Variants in CYFIP1 observed in about 807,000 individuals in gnomAD.
CYFIP1 encodes cytoplasmic FMR1 interacting protein 1.
A neutral mutation model predicts 163.5 loss-of-function variants in CYFIP1; 58 were observed. The ratio of observed to expected loss-of-function variants is 0.35; its 90% confidence interval spans 0.29 to 0.44. The LOEUF (loss-of-function observed/expected upper bound fraction) is 0.44, where lower values mean the gene tolerates loss of function less well. CYFIP1 is among the 20% of genes least tolerant of loss of function. The pLI is 1.00. For missense variants in CYFIP1, 1,338 were observed against 1,653.8 expected (o/e 0.81, Z 3.31); for synonymous variants, 663 against 660.7 (o/e 1.00, Z -0.05).
intron 21 of CYFIP1, chr15:22,904,130 C>T (rs888236060): frequency 3.7e-5 from 22 of 590,708 alleles, no homozygotes; most frequent in Non-Finnish European, 5.4e-5. Context: ...GTCACCTCCA[C>T]GCCACCTACC....
intron 26 of CYFIP1, among the ~76,000 whole-genome samples, chr15:22,877,455 C>T (rs190865566): frequency 7.9e-5 from 12 of 152,276 alleles, no homozygotes; most frequent in Admixed American, 3.3e-4. Context: ...AGATAGGGCG[C>T]GCCTTATGCT....
chr15:22,908,466 G>A (rs184687440), intron 21 of CYFIP1, among the ~76,000 whole-genome samples: 285 of 145,974 alleles, frequency 2.0e-3, no homozygotes, highest in Middle Eastern at 7.3e-3. Flanking sequence ...AGGGGTAGAA[G>A]AATTAGCAGG....
At chr15:22,882,705 A>C (rs2059802194) in intron 24 of CYFIP1, among the ~76,000 whole-genome samples, 163 bp downstream of exon 24, 1 of 152,236 alleles carries the variant, frequency 6.6e-6, no homozygotes, top group Admixed American at 6.5e-5. Context: ...TGAGTTTGAA[A>C]AGATGAGGGA....
chr15:22,948,418 C>T (rs2062133497), intron 1 of CYFIP1, among the ~76,000 whole-genome samples: 1 of 152,160 alleles, frequency 6.6e-6, no homozygotes. Flanking sequence ...AGCTGCCACC[C>T]ACTGAAGGCA....
intron 1 of CYFIP1, among the ~76,000 whole-genome samples, chr15:22,966,437 C>T (rs962670675): frequency 8.0e-5 from 12 of 150,312 alleles, no homozygotes; most frequent in East Asian, 2.0e-4. Flanking sequence ...CACGCAAGGA[C>T]GCAGGGAGAG....
At chr15:22,973,168 G>A (rs1029784386) in intron 1 of CYFIP1, among the ~76,000 whole-genome samples, 4 of 152,002 alleles carry the variant, frequency 2.6e-5, no homozygotes, top group African/African-American at 9.7e-5. Flanking sequence ...CCAAAATTTA[G>A]CCAGGCATGA....
intron 9 of CYFIP1, among the ~76,000 whole-genome samples, chr15:22,934,300 C>T (rs991995141): frequency 2.8e-5 from 4 of 145,206 alleles, no homozygotes; most frequent in African/African-American, 7.7e-5. Context: ...CATTCTCCTG[C>T]CTCAGGCTCC....
chr15:22,877,997 A>G (rs1237427101), intron 26 of CYFIP1, among the ~76,000 whole-genome samples: 1 of 152,242 alleles, frequency 6.6e-6, no homozygotes, highest in Non-Finnish European at 1.5e-5. Flanking sequence ...TCTGACAGCA[A>G]TGCCCTGAGC....
chr15:22,905,704 C>G (rs1360940162), intron 21 of CYFIP1, among the ~76,000 whole-genome samples: 6 of 150,954 alleles, frequency 4.0e-5, no homozygotes. Flanking sequence ...TCCCAAAGTG[C>G]TGGAATTATA....
chr15:22,880,774 C>A (rs922415420), intron 25 of CYFIP1, among the ~76,000 whole-genome samples: 1 of 152,140 alleles, frequency 6.6e-6, no homozygotes, highest in Non-Finnish European at 1.5e-5. Flanking sequence ...CAAGGACCAG[C>A]GGCCCGACAC....
chr15:22,959,384 CCA>C (rs1446906926), intron 1 of CYFIP1, among the ~76,000 whole-genome samples: 1 of 152,250 alleles, frequency 6.6e-6, no homozygotes, highest in Non-Finnish European at 1.5e-5. Context: ...GACAGTCACA[CCA>C]CAGAGGGGGC....
chr15:22,972,799 A>C (rs1428375005), intron 1 of CYFIP1, among the ~76,000 whole-genome samples: 4 of 152,150 alleles, frequency 2.6e-5, no homozygotes, highest in African/African-American at 7.2e-5. Context: ...TGAGCTCAGG[A>C]GTTTGAGACC....
intron 17 of CYFIP1, among the ~76,000 whole-genome samples, chr15:22,914,121 C>T (rs2060887943): frequency 6.6e-6 from 1 of 152,198 alleles, no homozygotes; most frequent in Non-Finnish European, 1.5e-5. Context: ...TCAATCAATA[C>T]TTCCTTTCCC....
chr15:22,964,365 A>T (rs1196248658), intron 1 of CYFIP1, among the ~76,000 whole-genome samples: 43 of 95,894 alleles, frequency 4.5e-4, no homozygotes, highest in Middle Eastern at 9.8e-3. Flanking sequence ...ACACACACAC[A>T]CACACACACA....
In CYFIP1 at chr15:22,893,090, C is replaced by A. The variant is rs549774123; in HGVS notation, c.2589-113G>T. On this transcript the variant is annotated intron_variant, in intron 22 of 30. Transcript: ENST00000617928. The stretch of plus-strand genomic sequence containing the variant: ...AAATCTTCCTCCCAGTCAACTGATA[C>A]AATCATCAAATAGGAAAATTCTAGT... The A allele has an allele frequency of 8.2e-4, 592 of 722,346 alleles. 16 individuals are homozygous for A. The South Asian group carries it at 8.6e-3, about 10-fold the overall frequency. The allele number at this position is 722,346 out of a possible 1,614,324, so 44.7% of individuals were successfully genotyped here.
At chr15:22,943,957 G>A (rs1442344203) in intron 5 of CYFIP1, among the ~76,000 whole-genome samples, 1 of 152,090 alleles carries the variant, frequency 6.6e-6, no homozygotes, top group African/African-American at 2.4e-5. Context: ...AGTACAAATT[G>A]GCCAGGCGTG....
At chr15:22,980,091 C>T (rs1453944440) in intron 1 of CYFIP1, among the ~76,000 whole-genome samples, 196 bp downstream of exon 1, 3 of 120,548 alleles carry the variant, frequency 2.5e-5, no homozygotes, top group East Asian at 5.7e-4. Context: ...CGCGGGAGCC[C>T]GGGGCCGGGA....
Position 22,920,016 on chromosome 15 carries a change from T to C in CYFIP1, c.1360-1158A>G, listed in dbSNP as rs1256748322. 2.6e-5 allele frequency among the ~76,000 whole-genome samples: 4 copies of C among 151,102 alleles called. No homozygotes were observed. In the East Asian group the frequency reaches 7.8e-4, roughly 29 times the overall value. On this transcript the variant is annotated intron_variant, in intron 13 of 30. Coordinates refer to ENST00000617928, the MANE Select transcript of CYFIP1 (RefSeq NM_014608.6). ...CAGCCTGGGTGACAGAGCGAGACCC[T>C]GTCTCAAAACAAAACAAAACAAAAA...
At chr15:22,907,870 T>A (rs2060637714) in intron 21 of CYFIP1, among the ~76,000 whole-genome samples, 1 of 152,194 alleles carries the variant, frequency 6.6e-6, no homozygotes, top group Non-Finnish European at 1.5e-5. Context: ...CAGGCCGGTG[T>A]CTTCTGTCCA....
Sources: gnomAD v4.1 joint callset for allele counts (sites outside exome capture counted in the v4.1 genomes callset) on GRCh38, gnomAD v4.1.1 for gene constraint, MANE v1.5 for transcripts, NCBI Gene and HGNC (gene_info 2026-07-23, HGNC 2026-07-21) for gene names.